The following MYO5B variants were observed in gnomAD, a reference collection of about 807,000 sequenced individuals.
MYO5B encodes the protein unconventional myosin-Vb.
A neutral mutation model predicts 229.3 loss-of-function variants in MYO5B; 143 were observed. That is an observed-to-expected ratio of 0.62 (90% confidence interval 0.54 to 0.72). MYO5B has a LOEUF of 0.72. MYO5B is among the 30% of genes least tolerant of loss of function. MYO5B has a pLI of 0.00. For missense variants in MYO5B, 2,321 were observed against 2,331.0 expected, an observed-to-expected ratio of 1.00 and a Z score of 0.09; for synonymous variants, 918 against 885.2, an observed-to-expected ratio of 1.04 and a Z score of -0.66.
chr18:50,191,369 G>T (rs2144364228), intron 1 of MYO5B, among the ~76,000 whole-genome samples: 1 of 152,232 alleles, frequency 6.6e-6, no homozygotes, highest in Non-Finnish European at 1.5e-5. Context: ...ATTTGTTTGG[G>T]ATTAATTATG....
intron 2 of MYO5B, among the ~76,000 whole-genome samples, chr18:50,047,928 G>A (rs1259710711): frequency 5.8e-5 from 8 of 138,208 alleles, no homozygotes; most frequent in Non-Finnish European, 1.2e-4. Flanking sequence ...ATCACACGCC[G>A]GGGACTGTTG....
At position 50,194,879 on chromosome 18, in the gene MYO5B, C is replaced by G; in HGVS notation, c.-86G>C. ...GGCTGGCCCGCCTGGCGCCATGTTC[C>G]CGGGCTGGCCTGGAGTTTCTCGATC... On this transcript the variant is annotated 5_prime_UTR_variant, in exon 1 of 40. Transcript: ENST00000285039. The G allele has an allele frequency of 8.1e-7, 1 of 1,234,892 alleles. No individual in the cohort carries two copies. Among genetic ancestry groups the G allele is most frequent in the Non-Finnish European group, 1.0e-6 (1 of 990,576 alleles). The allele number at this position is 1,234,892 out of a possible 1,614,324, so 76.5% of individuals were successfully genotyped here.
chr18:49,963,537 CTCAG>C (rs547123845), intron 10 of MYO5B, among the ~76,000 whole-genome samples: 123 of 152,236 alleles, frequency 8.1e-4, no homozygotes, highest in South Asian at 3.3e-3. Context: ...ATCCTCCCAC[CTCAG>C]TCAGCCTCCC....
At chr18:50,081,582 T>C (rs1440098917) in intron 1 of MYO5B, among the ~76,000 whole-genome samples, 1 of 152,244 alleles carries the variant, frequency 6.6e-6, no homozygotes, top group African/African-American at 2.4e-5. Context: ...AGGGTTGCCA[T>C]ACTTTGGGGC....
chr18:49,839,341 C>T (rs752683094), intron 35 of MYO5B, 47 bp from the exon 36 acceptor site: 1 of 1,603,674 alleles, frequency 6.2e-7, no homozygotes. Flanking sequence ...GTCTGCTGGG[C>T]CCAGCACAAC....
chr18:49,999,701 A>G (rs372936954), intron 5 of MYO5B, among the ~76,000 whole-genome samples: 1 of 152,230 alleles, frequency 6.6e-6, no homozygotes, highest in South Asian at 2.1e-4. Flanking sequence ...TCTTTTTAAT[A>G]GGTCAGTGGT....
intron 1 of MYO5B, 121 bp downstream of exon 1, chr18:50,194,646 G>T: frequency 1.5e-6 from 1 of 660,102 alleles, no homozygotes; most frequent in East Asian, 3.3e-5. Flanking sequence ...AGGACACCGC[G>T]GAGGGGGGTC....
intron 1 of MYO5B, among the ~76,000 whole-genome samples, chr18:50,155,960 G>A (rs1407625756): frequency 6.6e-6 from 1 of 152,174 alleles, no homozygotes; most frequent in African/African-American, 2.4e-5. Flanking sequence ...TGCTGTTCCA[G>A]GATCCTAAGG....
intron 10 of MYO5B, among the ~76,000 whole-genome samples, chr18:49,972,096 G>A (rs897781760): frequency 6.6e-6 from 1 of 152,134 alleles, no homozygotes; most frequent in African/African-American, 2.4e-5. Context: ...CTGAGATGAA[G>A]GAGACACAGG....
intron 27 of MYO5B, among the ~76,000 whole-genome samples, chr18:49,864,652 A>G (rs1465736915): frequency 6.6e-6 from 1 of 152,250 alleles, no homozygotes; most frequent in Admixed American, 6.5e-5. Flanking sequence ...GTTGCTAAAC[A>G]TGTTTGGCTG....
intron 1 of MYO5B, among the ~76,000 whole-genome samples, chr18:50,177,550 G>C (rs1167708263): frequency 1.3e-5 from 2 of 152,186 alleles, no homozygotes; most frequent in African/African-American, 4.8e-5. Flanking sequence ...GCTGTCTCCT[G>C]TAAGTCCTGC....
Position 49,962,358 on chromosome 18 carries a change from A to G in MYO5B, c.1453T>C (p.Trp485Arg). The change falls in exon 12 of 40, where the codon TGG becomes CGG. Residue 485 changes from tryptophan (W) to arginine (R), a missense_variant. Transcript: ENST00000285039. ...TTATCATAAAAATCAATCAGGGTCCAAGGGATCTGTTCCTTCATGTATTCT... is the reference window on the plus strand; with the variant it reads ...TTATCATAAAAATCAATCAGGGTCCGAGGGATCTGTTCCTTCATGTATTCT... Reference protein sequence around the residue: ...QEEYMKEQIPWTLIDFYDNQP... With the variant: ...QEEYMKEQIPRTLIDFYDNQP... 6.2e-7 allele frequency: 1 copy of G among 1,614,214 alleles called. No individual in the cohort carries two copies. The highest frequency in any genetic ancestry group is 8.5e-7 in the Non-Finnish European group (1 of 1,180,022).
intron 1 of MYO5B, among the ~76,000 whole-genome samples, chr18:50,116,114 A>G (rs936103548): frequency 7.2e-5 from 11 of 152,230 alleles, no homozygotes; most frequent in African/African-American, 2.7e-4. Flanking sequence ...GGAAAAACTG[A>G]AAGTCTAAGA....
At chr18:50,064,926 G>A (rs1250540015) in intron 1 of MYO5B, among the ~76,000 whole-genome samples, 6 of 152,136 alleles carry the variant, frequency 3.9e-5, no homozygotes, top group African/African-American at 1.2e-4. Flanking sequence ...GAAAGCATAG[G>A]AGCACCACTC....
chr18:50,015,157 AAGAC>A (rs2026203170), intron 4 of MYO5B, among the ~76,000 whole-genome samples: 2 of 152,250 alleles, frequency 1.3e-5, no homozygotes, highest in Admixed American at 6.5e-5. Context: ...GGCTGAAACA[AAGAC>A]AGAAATGTGT....
At chr18:49,962,224 T>G (rs967831120) in intron 12 of MYO5B, 42 bp downstream of exon 12, 3 of 1,613,000 alleles carry the variant, frequency 1.9e-6, no homozygotes, top group Non-Finnish European at 2.5e-6. Context: ...TTGTATCACA[T>G]CCCTACCCTA....
chr18:49,917,309 TA>T (rs2025027814), intron 17 of MYO5B, among the ~76,000 whole-genome samples: 2 of 152,230 alleles, frequency 1.3e-5, no homozygotes, highest in South Asian at 4.1e-4. Flanking sequence ...TTCAACACGT[TA>T]AACCTTTCCT....
chr18:50,083,192 C>CA (rs1377280872), intron 1 of MYO5B, among the ~76,000 whole-genome samples: 1 of 152,232 alleles, frequency 6.6e-6, no homozygotes, highest in African/African-American at 2.4e-5. Flanking sequence ...GGAAGGCACA[C>CA]AGTCTCTGTG....
chr18:50,118,081 T>C (rs2031995291), intron 1 of MYO5B, among the ~76,000 whole-genome samples: 1 of 152,160 alleles, frequency 6.6e-6, no homozygotes, highest in Admixed American at 6.5e-5. Flanking sequence ...TCAGCCTCCT[T>C]CACTCAATGC....
Sources: allele counts gnomAD v4.1 joint callset (sites outside exome capture counted in the v4.1 genomes callset), GRCh38; gene constraint gnomAD v4.1.1; transcripts MANE v1.5; gene names NCBI Gene and HGNC (gene_info 2026-07-23, HGNC 2026-07-21).